SEMA6D: variants seen among roughly 807,000 people sequenced by gnomAD.
The protein encoded by SEMA6D is semaphorin-6D.
A neutral mutation model predicts 106.6 loss-of-function variants in SEMA6D; 35 were observed. That is an observed-to-expected ratio of 0.33 (90% CI 0.25 to 0.44). The LOEUF (loss-of-function observed/expected upper bound fraction) is 0.44. SEMA6D is among the 20% of genes least tolerant of loss of function. The pLI is 1.00. For missense variants in SEMA6D, 1,185 were observed against 1,345.9 expected, an observed-to-expected ratio of 0.88 and a Z score of 1.87; for synonymous variants, 499 against 487.7, an observed-to-expected ratio of 1.02 and a Z score of -0.31.
chr15:47,461,105 T>A (rs1387777357), intron 2 of SEMA6D, among the ~76,000 whole-genome samples: 2 of 152,146 alleles, frequency 1.3e-5, no homozygotes, highest in Non-Finnish European at 2.9e-5. Flanking sequence ...CTTGCTCTTG[T>A]CTCAGCCCAG....
At chr15:47,212,700 A>G (rs552953242) in intron 1 of SEMA6D, among the ~76,000 whole-genome samples, 7 of 152,142 alleles carry the variant, frequency 4.6e-5, no homozygotes, top group South Asian at 2.1e-4. Context: ...TTCTTTTTGC[A>G]TGTCTTAATG....
intron 3 of SEMA6D, among the ~76,000 whole-genome samples, chr15:47,579,334 G>T (rs1302332999): frequency 1.3e-5 from 2 of 151,644 alleles, no homozygotes; most frequent in African/African-American, 4.8e-5. Flanking sequence ...TAGAGACGGG[G>T]TTTCTCCATG....
At chr15:47,557,921 GA>G (rs1478856678) in intron 3 of SEMA6D, among the ~76,000 whole-genome samples, 2 of 152,110 alleles carry the variant, frequency 1.3e-5, no homozygotes, top group East Asian at 3.9e-4. Context: ...GCCATGAAGA[GA>G]AGCACTAAAT....
At chr15:47,285,335 G>C (rs1595636829) in intron 1 of SEMA6D, among the ~76,000 whole-genome samples, 1 of 152,112 alleles carries the variant, frequency 6.6e-6, no homozygotes, top group East Asian at 1.9e-4. Flanking sequence ...AGCAAGGACA[G>C]ATCACAAAGA....
chr15:47,570,742 C>T (rs941755051), intron 3 of SEMA6D, among the ~76,000 whole-genome samples: 2 of 152,150 alleles, frequency 1.3e-5, no homozygotes, highest in Non-Finnish European at 2.9e-5. Flanking sequence ...TTCCTCAATG[C>T]AAGACAAATC....
chr15:47,647,192 G>A (rs1053850677), intron 4 of SEMA6D, among the ~76,000 whole-genome samples: 1 of 152,124 alleles, frequency 6.6e-6, no homozygotes, highest in South Asian at 2.1e-4. Flanking sequence ...GATATAAAGT[G>A]TACTTTACAA....
At chr15:47,316,114 A>G (rs1344455696) in intron 1 of SEMA6D, among the ~76,000 whole-genome samples, 1 of 1,366 alleles carries the variant, frequency 7.3e-4, no homozygotes, top group East Asian at 0.028. Context: ...TTTTTTTGAG[A>G]CAGAATCTTG....
intron 4 of SEMA6D, among the ~76,000 whole-genome samples, chr15:47,672,583 T>C (rs1280202211): frequency 6.6e-6 from 1 of 152,196 alleles, no homozygotes; most frequent in African/African-American, 2.4e-5. Context: ...TGTAATTTAT[T>C]CTGTCACCAG....
intron 2 of SEMA6D, among the ~76,000 whole-genome samples, chr15:47,419,873 AGAT>A (rs1278259672): frequency 3.3e-5 from 5 of 152,136 alleles, no homozygotes; most frequent in African/African-American, 1.2e-4. Context: ...AGGAGATAAA[AGAT>A]GACCTGGAAG....
At chr15:47,590,489 C>T (rs1462267443) in intron 3 of SEMA6D, among the ~76,000 whole-genome samples, 1 of 151,860 alleles carries the variant, frequency 6.6e-6, no homozygotes, top group Non-Finnish European at 1.5e-5. Context: ...TGTGTCAAAC[C>T]TGCACTTTGT....
intron 2 of SEMA6D, among the ~76,000 whole-genome samples, chr15:47,447,383 C>T (rs906257077): frequency 6.6e-6 from 1 of 152,114 alleles, no homozygotes; most frequent in Non-Finnish European, 1.5e-5. Flanking sequence ...AAGGTTGAGT[C>T]TGTCACCAAT....
chr15:47,446,317 G>A (rs972939152), intron 2 of SEMA6D, among the ~76,000 whole-genome samples: 3 of 152,120 alleles, frequency 2.0e-5, no homozygotes, highest in African/African-American at 7.2e-5. Context: ...GCATACCAGT[G>A]GGGGGCTGGA....
Position 47,636,910 on chromosome 15 carries a change from C to T in SEMA6D, c.-55+36014C>T, listed in dbSNP as rs548216697. Among the ~76,000 whole-genome samples the T allele has an allele frequency of 2.6e-4, 40 of 152,286 alleles. 1 individual carries two copies. Among genetic ancestry groups the T allele is most frequent in the Admixed American group, 1.9e-3 (29 of 15,298 alleles). On this transcript the variant is annotated intron_variant, in intron 4 of 19. Transcript: ENST00000558014. ...TTTTTTCACCAGGCCAAAGTGTGCT[C>T]ATGGCTGCCCTAGGCTGGGCTATGT...
intron 1 of SEMA6D, among the ~76,000 whole-genome samples, chr15:47,251,977 G>A (rs1466529811): frequency 7.5e-6 from 1 of 134,042 alleles, no homozygotes; most frequent in African/African-American, 2.9e-5. Flanking sequence ...GTGCAGTGGC[G>A]CGATCTCGGC....
chr15:47,563,032 C>A (rs995062904), intron 3 of SEMA6D, among the ~76,000 whole-genome samples: 1 of 152,134 alleles, frequency 6.6e-6, no homozygotes, highest in African/African-American at 2.4e-5. Context: ...ATGCTACAAA[C>A]CTAGTGAACC....
chr15:47,465,589 C>T (rs142195018), intron 2 of SEMA6D, among the ~76,000 whole-genome samples: 11 of 152,180 alleles, frequency 7.2e-5, no homozygotes, highest in African/African-American at 1.4e-4. Flanking sequence ...ATTGTGGGGG[C>T]GGACTTTTTC....
intron 2 of SEMA6D, among the ~76,000 whole-genome samples, chr15:47,428,633 C>T (rs1390040139): frequency 3.3e-5 from 5 of 151,866 alleles, no homozygotes; most frequent in Non-Finnish European, 7.4e-5. Context: ...AGATACCTGG[C>T]CATGATGGTG....
chr15:47,513,804 C>G (rs1596205810), intron 3 of SEMA6D, among the ~76,000 whole-genome samples: 3 of 152,302 alleles, frequency 2.0e-5, no homozygotes, highest in Admixed American at 2.0e-4. Context: ...GGTGATTCTT[C>G]TCTATAACTT....
At chr15:47,453,416 C>G (rs1217173544) in intron 2 of SEMA6D, among the ~76,000 whole-genome samples, 4 of 151,896 alleles carry the variant, frequency 2.6e-5, no homozygotes, top group African/African-American at 9.7e-5. Context: ...CACAGTGAAT[C>G]TGTAGAGGTT....
Sources: gnomAD v4.1 joint callset for allele counts (sites outside exome capture counted in the v4.1 genomes callset) on GRCh38, gnomAD v4.1.1 for gene constraint, MANE v1.5 for transcripts, NCBI Gene and HGNC (gene_info 2026-07-23, HGNC 2026-07-21) for gene names.